MED13: variants seen among roughly 807,000 people sequenced by gnomAD.
MED13 encodes the protein mediator complex subunit 13, also known as mediator of RNA polymerase II transcription subunit 13.
A neutral mutation model predicts 225.2 loss-of-function variants in MED13; 23 were observed. The ratio of observed to expected loss-of-function variants is 0.10; its 90% CI spans 0.07 to 0.14. The LOEUF is 0.14. Among genes scored for constraint, MED13 ranks in the 10% least tolerant of loss-of-function variants. The probability of loss-of-function intolerance (pLI) is 1.00; values close to 1 mark genes in which losing one functional copy is unlikely to be tolerated. For missense variants in MED13, 2,197 were observed against 2,594.5 expected, an observed-to-expected ratio of 0.85 and a Z score of 3.33; for synonymous variants, 942 against 889.2, an observed-to-expected ratio of 1.06 and a Z score of -1.06.
At chr17:61,984,389 T>A (rs763683220) in intron 14 of MED13, 22 bp from the exon 15 acceptor site, 3 of 1,488,378 alleles carry the variant, frequency 2.0e-6, no homozygotes, top group Non-Finnish European at 2.7e-6. Flanking sequence ...AGATGGTAGG[T>A]TTTCAGTATC....
intron 8 of MED13, among the ~76,000 whole-genome samples, chr17:62,015,260 C>T (rs1473395815): frequency 6.6e-6 from 1 of 152,000 alleles, no homozygotes; most frequent in African/African-American, 2.4e-5. Flanking sequence ...TTTTTAGAGC[C>T]GCATACTGAA....
At chr17:61,999,228 A>G (rs1452364903) in intron 9 of MED13, among the ~76,000 whole-genome samples, 1 of 152,198 alleles carries the variant, frequency 6.6e-6, no homozygotes, top group Non-Finnish European at 1.5e-5. Flanking sequence ...CTATTGATGA[A>G]TATCATGGCT....
rs1288345650 is a variant in MED13 at position 61,960,915 on chromosome 17, T to C, written c.5432A>G (p.Tyr1811Cys). The C allele has an allele frequency of 4.3e-6, 7 of 1,613,530 alleles. No homozygotes were observed. The Admixed American group carries it at 6.7e-5, about 15-fold the overall frequency. The change falls in exon 23 of 30, where the codon TAT becomes TGT. Residue 1811 changes from tyrosine to cysteine, a missense_variant. By Grantham distance (194) the Tyr-to-Cys change is radical. Around this residue, in one of 12 missense-constraint regions of MED13, gnomAD observed 78 missense variants for 82.1 expected, o/e 0.95. Coordinates refer to ENST00000397786, the MANE Select transcript of MED13 (RefSeq NM_005121.3). ...RWILASCTDL[Y>C]GELLETCIIN... ...GATACAAGTTTCTAAAAGTTCTCCA[T>C]ATAGATCTGTGCAAGATGCAAGAAT...
intron 12 of MED13, among the ~76,000 whole-genome samples, chr17:61,985,692 A>C (rs1341475575): frequency 6.6e-6 from 1 of 152,108 alleles, no homozygotes; most frequent in Non-Finnish European, 1.5e-5. Context: ...AAAATAAGAA[A>C]ACCTGCAATA....
rs202227941 is a variant in MED13 at position 61,965,090 on chromosome 17, T to C, written c.4760A>G (p.Gln1587Arg). Residue 1587 changes from glutamine to arginine, a missense_variant, in exon 20 of 30, where the codon CAA becomes CGA. Around this residue, in one of 12 missense-constraint regions of MED13, gnomAD observed 457 missense variants for 442.2 expected, o/e 1.03. Transcript: ENST00000397786. ...AGCTGTCTGTAGAGCTGATGTCTGT[T>C]GCCCTCCTAGCTGACCACTCTGAAC... ...NTVQSGQLGG[Q>R]QTSALQTAGI... 1 of 1,614,182 alleles carries C rather than the reference T, an allele frequency of 6.2e-7. No individual in the cohort carries two copies. Among genetic ancestry groups the C allele is most frequent in the East Asian group, 2.2e-5 (1 of 44,888 alleles).
chr17:61,962,320 C>G (rs1469930764), intron 21 of MED13, among the ~76,000 whole-genome samples: 1 of 152,048 alleles, frequency 6.6e-6, no homozygotes, highest in African/African-American at 2.4e-5. Context: ...GTAAAATTTT[C>G]TATATAACAA....
At chr17:61,959,968 C>T (rs1422020921) in intron 23 of MED13, among the ~76,000 whole-genome samples, 2 of 151,994 alleles carry the variant, frequency 1.3e-5, no homozygotes, top group African/African-American at 4.8e-5. Flanking sequence ...TCAAGTGATC[C>T]GCCTTGTCTC....
chr17:62,022,988 C>T (rs1048424134), intron 8 of MED13, among the ~76,000 whole-genome samples: 3 of 151,514 alleles, frequency 2.0e-5, no homozygotes, highest in African/African-American at 4.8e-5. Flanking sequence ...CCAGCCTGGG[C>T]GACACAGCTA....
intron 8 of MED13, among the ~76,000 whole-genome samples, chr17:62,020,685 C>CTTTTTTTTTTTTTT (rs78598460): frequency 9.9e-6 from 1 of 100,794 alleles, no homozygotes; most frequent in Admixed American, 9.7e-5. Context: ...GGCCTGCTTT[C>CTTTTTTTTTTTTTT]TTTTTTTTTT....
intron 16 of MED13, among the ~76,000 whole-genome samples, chr17:61,980,240 T>G (rs1266486469): frequency 6.6e-6 from 1 of 152,092 alleles, no homozygotes; most frequent in Non-Finnish European, 1.5e-5. Context: ...TAGGATACCA[T>G]GCTCCCTTGG....
chr17:61,982,781 G>T lies in MED13; in HGVS notation c.3222C>A (p.Asn1074Lys). Residue 1074 changes from asparagine (N) to lysine (K), a missense_variant, in exon 16 of 30, where the codon AAC (asparagine) becomes AAA (lysine). Around this residue, in one of 12 missense-constraint regions of MED13, gnomAD observed 99 missense variants for 158.5 expected, o/e 0.62. Transcript: ENST00000397786. ...TCATAACTGATTCTGAAAGGATGAG[G>T]TTTACATAAAGACTGTGTGCTTCAG... is the stretch of plus-strand genomic sequence containing the variant. ...SIPEAHSLYV[N>K]LILSESVMNL... 2 of 1,614,144 alleles carry T rather than the reference G, an allele frequency of 1.2e-6. No homozygotes were observed. Among genetic ancestry groups the T allele is most frequent in the Non-Finnish European group, 1.7e-6 (2 of 1,180,014 alleles).
Position 61,946,208 on chromosome 17 carries a change from A to T in MED13, c.*260T>A, listed in dbSNP as rs2079850542. ...ACTTTTCACAAATACTGTGACTGGA[A>T]AAAAAAAAGGTTAATTTTGCTACGA... On this transcript the variant is annotated 3_prime_UTR_variant, in exon 30 of 30. Coordinates refer to ENST00000397786, the MANE Select transcript of MED13 (RefSeq NM_005121.3). 3.2e-6 allele frequency: 1 copy of T among 308,804 alleles called. No homozygotes were observed. Among genetic ancestry groups the T allele is most frequent in the Admixed American group, 4.7e-5 (1 of 21,082 alleles). The allele number at this position is 308,804 out of a possible 1,614,324, so 19.1% of individuals were successfully genotyped here. A position where few individuals can be genotyped will look rare whatever the true frequency, so the allele number is the denominator to read the frequency against.
chr17:61,962,883 C>T lies in MED13; in HGVS notation c.4933G>A (p.Asp1645Asn), dbSNP rs200808523. 3 of 1,614,054 alleles carry T rather than the reference C, an allele frequency of 1.9e-6. No individual in the cohort carries two copies. Among genetic ancestry groups the T allele is most frequent in the South Asian group, 1.1e-5 (1 of 91,080 alleles). ...YPPAIVVYIIDPFTYENTDES... is the reference protein window; with the variant it reads ...YPPAIVVYIINPFTYENTDES... ...TCTGTATTTTCGTATGTAAAAGGAT[C>T]AATTATATAAACAACAATTGCAGGT... The change falls in exon 21 of 30, where the codon GAT (aspartate) becomes AAT (asparagine). Residue 1645 changes from aspartate (D) to asparagine (N), a missense_variant. Physicochemically the swap from Asp to Asn is conservative, Grantham distance 23. Coordinates refer to ENST00000397786, the MANE Select transcript of MED13 (RefSeq NM_005121.3).
Position 61,955,852 on chromosome 17 carries a change from CAGT to C in MED13, c.5624-17_5624-15del. ...AACAGCTCCAATCTGTGGGTATCAACAGTAAAAAAAAAAAAAAAAAAAAAAAAA... is the reference window on the plus strand; with the variant it reads ...AACAGCTCCAATCTGTGGGTATCAACAAAAAAAAAAAAAAAAAAAAAAAAA... On this transcript the variant is annotated splice_polypyrimidine_tract_variant and intron_variant, in intron 24 of 29. Transcript: ENST00000397786. 1.1e-5 allele frequency: 2 copies of C among 187,796 alleles called. No homozygotes were observed. Among genetic ancestry groups the C allele is most frequent in the Non-Finnish European group, 1.4e-5 (2 of 140,182 alleles). 11.6% of individuals were successfully genotyped at this position (187,796 alleles called of 1,614,324 possible). A position where few individuals can be genotyped will look rare whatever the true frequency, so the allele number is the denominator to read the frequency against.
At chr17:62,037,235 A>C (rs1034513867) in intron 3 of MED13, among the ~76,000 whole-genome samples, 5 of 152,156 alleles carry the variant, frequency 3.3e-5, no homozygotes, top group African/African-American at 9.7e-5. Context: ...CATGGGCGAC[A>C]GAGTAAGACT....
At chr17:62,006,082 TA>T (rs2080444218) in intron 9 of MED13, 3 of 151,624 alleles carry the variant, frequency 2.0e-5, no homozygotes, top group Admixed American at 2.0e-4. Flanking sequence ...AAGCTCAAAA[TA>T]AGATAAAATA....
At chr17:62,062,396 T>C (rs1208776123) in intron 2 of MED13, among the ~76,000 whole-genome samples, 2 of 152,214 alleles carry the variant, frequency 1.3e-5, no homozygotes, top group Non-Finnish European at 2.9e-5. Context: ...ACAATAAAAT[T>C]GTTTGTGTAA....
rs534224152 is a variant in MED13, at chr17:62,008,427, A to C, written c.1967+2123T>G. On this transcript the variant is annotated intron_variant, in intron 9 of 29. Coordinates refer to ENST00000397786, the MANE Select transcript of MED13 (RefSeq NM_005121.3). ...TACACAGATTCTTGTGACATTTCTA[A>C]AGCTAAGAGAAGACCTTAAAAGCCT... Among the ~76,000 whole-genome samples, 73 of 152,102 alleles carry C rather than the reference A, an allele frequency of 4.8e-4. 1 individual carries two copies. The highest frequency in any genetic ancestry group is 1.7e-3 in the African/African-American group (70 of 41,488).
intron 19 of MED13, among the ~76,000 whole-genome samples, chr17:61,965,918 C>T (rs965906593): frequency 3.3e-5 from 5 of 151,892 alleles, no homozygotes; most frequent in Non-Finnish European, 7.4e-5. Flanking sequence ...TTTGGTTCTG[C>T]ATCTCTTTGG....
Sources: gnomAD v4.1 joint callset for allele counts (sites outside exome capture counted in the v4.1 genomes callset) on GRCh38, gnomAD v4.1.1 for gene constraint, gnomAD v4.1.1 regional missense constraint, MANE v1.5 for transcripts, NCBI Gene and HGNC (gene_info 2026-07-23, HGNC 2026-07-21) for gene names.